The following TIA1 variants were observed in gnomAD, a reference collection of about 807,000 sequenced individuals.
TIA1 encodes the protein cytotoxic granule associated RNA binding protein TIA1.
In TIA1, 23 loss-of-function variants were observed where a neutral mutation model predicts 65.9. The ratio of observed to expected loss-of-function variants is 0.35; its 90% CI spans 0.25 to 0.49. The LOEUF (loss-of-function observed/expected upper bound fraction) is 0.49. Ranked by LOEUF, TIA1 falls within the 20% of genes least tolerant of loss-of-function variation. The pLI is 0.98. For synonymous variants in TIA1, 147 were observed against 149.4 expected, an observed-to-expected ratio of 0.98 and a Z score of 0.12; for missense variants, 371 against 477.9, an observed-to-expected ratio of 0.78 and a Z score of 2.09.
Position 70,233,705 on chromosome 2 carries a change from G to A in TIA1, c.123+2374C>T, listed in dbSNP as rs540262383. On this transcript the variant is annotated intron_variant, in intron 2 of 12. Transcript: ENST00000433529. ...AGCTTGAACCTGGGAGGCAGAGTTT[G>A]CAGTGAGCTGAGATCATGCCATTGC... Among the ~76,000 whole-genome samples the A allele has an allele frequency of 7.2e-5, 11 of 151,790 alleles. No individual in the cohort carries two copies. The South Asian group carries it at 1.2e-3, about 17-fold the overall frequency.
chr2:70,222,783 C>A (rs532534612), intron 7 of TIA1, among the ~76,000 whole-genome samples: 1 of 152,052 alleles, frequency 6.6e-6, no homozygotes, highest in African/African-American at 2.4e-5. Context: ...TGCATGGTGG[C>A]GGCACCTGTA....
intron 1 of TIA1, among the ~76,000 whole-genome samples, chr2:70,238,782 G>A (rs1690326512): frequency 6.6e-6 from 1 of 152,072 alleles, no homozygotes; most frequent in Non-Finnish European, 1.5e-5. Flanking sequence ...TAGGGGCAGT[G>A]GCTCACATCT....
In TIA1 at chr2:70,210,213, A is replaced by T. The variant is rs1676142650; in HGVS notation, c.*2506T>A. 1 of 152,700 alleles carries T rather than the reference A, an allele frequency of 6.5e-6. No individual in the cohort carries two copies. The highest frequency in any genetic ancestry group is 2.1e-4 in the South Asian group (1 of 4,838). 9.5% of individuals were successfully genotyped at this position (152,700 alleles called of 1,614,324 possible). On this transcript the variant is annotated 3_prime_UTR_variant, in exon 13 of 13. Coordinates refer to ENST00000433529, the MANE Select transcript of TIA1 (RefSeq NM_022173.4). ...AAGAAGATCCCACAGGTTATAGAAA[A>T]CATAAAGGAACTTTAATATCCAAAC...
intron 1 of TIA1, among the ~76,000 whole-genome samples, chr2:70,238,415 C>T (rs991161493): frequency 3.3e-5 from 5 of 151,098 alleles, no homozygotes; most frequent in South Asian, 2.1e-4. Flanking sequence ...GGGCTACAGG[C>T]GCCCGCCACC....
At position 70,209,471 on chromosome 2, in the gene TIA1, A is replaced by G; in HGVS notation, c.*3248T>C. The stretch of plus-strand genomic sequence containing the variant: ...CAATTGAGACACACTCACACATTTT[A>G]TTAAGGCTCTTAAATTGAAACTCAT... On this transcript the variant is annotated 3_prime_UTR_variant, in exon 13 of 13. Coordinates refer to ENST00000433529, the MANE Select transcript of TIA1 (RefSeq NM_022173.4). 2.5e-6 allele frequency: 1 copy of G among 397,470 alleles called. No homozygotes were observed. Among genetic ancestry groups the G allele is most frequent in the Non-Finnish European group, 4.4e-6 (1 of 225,822 alleles). The allele number at this position is 397,470 out of a possible 1,614,324, so 24.6% of individuals were successfully genotyped here.
intron 1 of TIA1, among the ~76,000 whole-genome samples, chr2:70,236,740 C>G (rs1689157929): frequency 6.6e-6 from 1 of 152,190 alleles, no homozygotes; most frequent in South Asian, 2.1e-4. Context: ...GATTCTCCCA[C>G]TTCAGCCTCC....
At chr2:70,226,829 G>C (rs1389249285) in intron 6 of TIA1, among the ~76,000 whole-genome samples, 2 of 152,040 alleles carry the variant, frequency 1.3e-5, no homozygotes, top group Non-Finnish European at 2.9e-5. Flanking sequence ...CTAATTCTGT[G>C]ACCACCTTTA....
intron 1 of TIA1, among the ~76,000 whole-genome samples, chr2:70,245,359 C>T (rs983670867): frequency 6.6e-6 from 1 of 152,172 alleles, no homozygotes; most frequent in African/African-American, 2.4e-5. Flanking sequence ...CGCACAATAA[C>T]AGTATAGTTA....
At chr2:70,224,862 CCTCT>C (rs1683128438) in intron 6 of TIA1, 1 of 1,244,456 alleles carries the variant, frequency 8.0e-7, no homozygotes, top group Non-Finnish European at 1.0e-6. Flanking sequence ...ACAGAAATTG[CCTCT>C]CTCTTCAAAA....
intron 1 of TIA1, among the ~76,000 whole-genome samples, chr2:70,243,300 G>A (rs1692726589): frequency 6.6e-6 from 1 of 152,080 alleles, no homozygotes; most frequent in African/African-American, 2.4e-5. Flanking sequence ...GGTGGCACAT[G>A]CCTATAGTCC....
At chr2:70,220,198 AG>A (rs1160524523) in intron 7 of TIA1, among the ~76,000 whole-genome samples, 2 of 152,154 alleles carry the variant, frequency 1.3e-5, no homozygotes, top group Non-Finnish European at 2.9e-5. Context: ...TCATGAGCCC[AG>A]GAGTTCGAGA....
chr2:70,221,694 C>A (rs2104171819), intron 7 of TIA1, among the ~76,000 whole-genome samples: 1 of 152,058 alleles, frequency 6.6e-6, no homozygotes, highest in East Asian at 1.9e-4. Flanking sequence ...AGTCATGTAG[C>A]TTCTTTTTGG....
chr2:70,218,224 T>C (rs1209832609), intron 7 of TIA1, among the ~76,000 whole-genome samples: 1 of 152,106 alleles, frequency 6.6e-6, no homozygotes, highest in African/African-American at 2.4e-5. Context: ...CTGACAGCAA[T>C]AGGAGATAGC....
Position 70,248,549 on chromosome 2 carries a change from T to C in TIA1, c.-119A>G, listed in dbSNP as rs1328821263. ...GGTTTCTCGGCTGACCAGAGGTTACTCCGCCTCCTCCTCCGGCGGCAATTA... is the reference window on the plus strand; with the variant it reads ...GGTTTCTCGGCTGACCAGAGGTTACCCCGCCTCCTCCTCCGGCGGCAATTA... On this transcript the variant is annotated 5_prime_UTR_variant, in exon 1 of 13. Transcript: ENST00000433529. The C allele has an allele frequency of 3.4e-6, 5 of 1,461,538 alleles. No individual in the cohort carries two copies. The African/African-American group carries it at 7.0e-5, about 20-fold the overall frequency. 90.5% of individuals were successfully genotyped at this position (1,461,538 alleles called of 1,614,324 possible). A position where few individuals can be genotyped will look rare whatever the true frequency, so the allele number is the denominator to read the frequency against.
intron 6 of TIA1, chr2:70,225,031 A>T (rs1683196626): frequency 3.1e-6 from 3 of 983,032 alleles, no homozygotes; most frequent in Non-Finnish European, 3.7e-6. Context: ...TAATCATTAA[A>T]AAAAAATAGA....
At chr2:70,223,362 G>C (rs995261050) in intron 7 of TIA1, among the ~76,000 whole-genome samples, 10 of 152,016 alleles carry the variant, frequency 6.6e-5, no homozygotes, top group African/African-American at 2.4e-4. Context: ...ATCTTTGGTA[G>C]ATGGGACATG....
At chr2:70,225,219 G>A in intron 6 of TIA1, 1 of 1,084,112 alleles carries the variant, frequency 9.2e-7, no homozygotes, top group Non-Finnish European at 1.1e-6. Context: ...AGCTAGACAA[G>A]AAAAGATTTT....
At position 70,217,008 on chromosome 2, in the gene TIA1, C is replaced by T. The variant is rs1221348540; in HGVS notation, c.475-14G>A. The T allele has an allele frequency of 6.3e-7, 1 of 1,596,540 alleles. No individual in the cohort carries two copies. Among genetic ancestry groups the T allele is most frequent in the Admixed American group, 1.8e-5 (1 of 55,868 alleles). Reference sequence around the variant, plus strand: ...GTTTTCAGCATCCTGTTCCGTACAACATTAGAAACAATAAAGAAGTCACTA... The same window carrying T: ...GTTTTCAGCATCCTGTTCCGTACAATATTAGAAACAATAAAGAAGTCACTA... On this transcript the variant is annotated splice_polypyrimidine_tract_variant and intron_variant, in intron 7 of 12. Transcript: ENST00000433529.
At chr2:70,225,036 A>T in intron 6 of TIA1, 1 of 986,118 alleles carries the variant, frequency 1.0e-6, no homozygotes, top group Non-Finnish European at 1.2e-6. Flanking sequence ...ATTAAAAAAA[A>T]ATAGAAAACT....
Sources: gnomAD v4.1 joint callset for allele counts (sites outside exome capture counted in the v4.1 genomes callset) on GRCh38, gnomAD v4.1.1 for gene constraint, MANE v1.5 for transcripts, NCBI Gene and HGNC (gene_info 2026-07-23, HGNC 2026-07-21) for gene names.